Variants in CSMD1 observed in about 807,000 individuals in gnomAD.
CSMD1 encodes the protein CUB and sushi domain-containing protein 1.
In CSMD1, 213 loss-of-function variants were observed where a neutral mutation model predicts 417.5. That is an observed-to-expected ratio of 0.51 (90% CI 0.46 to 0.57). The LOEUF (loss-of-function observed/expected upper bound fraction) is 0.57. CSMD1 is among the 20% of genes least tolerant of loss of function. The pLI, the probability that CSMD1 is intolerant of heterozygous loss-of-function variation, is 0.00. For missense variants in CSMD1, 6,923 were observed against 4,529.7 expected, an observed-to-expected ratio of 1.53 and a Z score of -15.17; for synonymous variants, 2,862 against 1,736.8, an observed-to-expected ratio of 1.65 and a Z score of -16.11.
intron 1 of CSMD1, among the ~76,000 whole-genome samples, chr8:4,749,911 T>C (rs973148287): frequency 2.6e-5 from 4 of 152,098 alleles, no homozygotes; most frequent in African/African-American, 9.7e-5. Context: ...TGTCTCTAGA[T>C]TGTCAAGCGC....
intron 6 of CSMD1, among the ~76,000 whole-genome samples, chr8:3,728,546 T>G (rs1802630154): frequency 6.6e-6 from 1 of 152,180 alleles, no homozygotes; most frequent in Non-Finnish European, 1.5e-5. Flanking sequence ...AACGTAGGTT[T>G]GCCTATGTTC....
At chr8:4,941,680 C>T (rs1040905642) in intron 1 of CSMD1, among the ~76,000 whole-genome samples, 1 of 151,960 alleles carries the variant, frequency 6.6e-6, no homozygotes, top group Non-Finnish European at 1.5e-5. Flanking sequence ...CTCTCTGCAG[C>T]CTCGATCCCT....
At chr8:3,343,942 C>CTGTA (rs368448231) in intron 22 of CSMD1, among the ~76,000 whole-genome samples, 244 of 152,300 alleles carry the variant, frequency 1.6e-3, no homozygotes, top group African/African-American at 5.3e-3. Flanking sequence ...TTGTCACATT[C>CTGTA]TGTAGTCTGC....
chr8:4,722,437 G>C (rs368219066), intron 1 of CSMD1, among the ~76,000 whole-genome samples: 2 of 152,226 alleles, frequency 1.3e-5, no homozygotes, highest in African/African-American at 4.8e-5. Context: ...TGCCTTCTAA[G>C]TGAAGTGAAA....
chr8:4,062,059 C>T (rs533505791), intron 3 of CSMD1, among the ~76,000 whole-genome samples: 14 of 152,050 alleles, frequency 9.2e-5, no homozygotes, highest in Admixed American at 2.6e-4. Flanking sequence ...TGCCAGCTGC[C>T]GTGGTGGAGC....
chr8:2,942,381 C>A, intron 69 of CSMD1, 91 bp downstream of exon 69: 10 of 1,024,852 alleles, frequency 9.8e-6, no homozygotes, highest in Admixed American at 2.6e-5. Flanking sequence ...ATATAAAATA[C>A]ATGTGCATGT....
intron 5 of CSMD1, among the ~76,000 whole-genome samples, chr8:3,920,492 C>G (rs1050983302): frequency 5.3e-5 from 8 of 151,972 alleles, no homozygotes; most frequent in African/African-American, 1.9e-4. Flanking sequence ...CCTAATTGAT[C>G]TGGCTAGGAC....
In CSMD1 at chr8:3,348,050, C is replaced by A. The variant is rs1209297167; in HGVS notation, c.3416G>T (p.Gly1139Val). 1 of 1,610,964 alleles carries A rather than the reference C, an allele frequency of 6.2e-7. No individual in the cohort carries two copies. Among genetic ancestry groups the A allele is most frequent in the Non-Finnish European group, 8.5e-7 (1 of 1,178,472 alleles). Reference sequence around the variant, plus strand: ...TCGTGTTCTAAGGTGGATGCCCTTGCCGGCTTCTGTTTCTATTTTATAGAT... The same window carrying A: ...TCGTGTTCTAAGGTGGATGCCCTTGACGGCTTCTGTTTCTATTTTATAGAT... ...ECIYKIETEA[G>V]KGIHLRTRSF... is the part of the protein sequence containing the mutation. The change falls in exon 22 of 70, where the codon GGC becomes GTC. Residue 1139 changes from glycine (G) to valine (V), a missense_variant. Coordinates refer to ENST00000635120, the MANE Select transcript of CSMD1 (RefSeq NM_033225.6).
intron 1 of CSMD1, among the ~76,000 whole-genome samples, chr8:4,918,927 G>A (rs1046469535): frequency 6.6e-6 from 1 of 152,090 alleles, no homozygotes; most frequent in African/African-American, 2.4e-5. Flanking sequence ...AAAATTCTGG[G>A]GGGTGTATGT....
At chr8:4,441,233 G>C (rs1019039769) in intron 2 of CSMD1, among the ~76,000 whole-genome samples, 2 of 142,260 alleles carry the variant, frequency 1.4e-5, no homozygotes, top group African/African-American at 2.6e-5. Context: ...TGAGTAGCTG[G>C]AACTACAGGC....
rs74772483 is a variant in CSMD1, at chr8:3,638,118, C to A, written c.1010-21321G>T. The stretch of plus-strand genomic sequence containing the variant: ...CAAGGAGCTCAGATTTAAACCCAAG[C>A]AGGTTGAGTCTTAAACGTAAGATCT... On this transcript the variant is annotated intron_variant, in intron 7 of 69. Transcript: ENST00000635120. Among the ~76,000 whole-genome samples the A allele has an allele frequency of 2.9e-4, 44 of 152,226 alleles. 1 individual carries two copies. Among genetic ancestry groups the A allele is most frequent in the African/African-American group, 1.0e-3 (43 of 41,542 alleles).
chr8:4,610,529 G>A (rs1025601419), intron 2 of CSMD1, among the ~76,000 whole-genome samples: 1 of 152,072 alleles, frequency 6.6e-6, no homozygotes, highest in Non-Finnish European at 1.5e-5. Flanking sequence ...CCTTTATAAA[G>A]AATACCCCAG....
At chr8:3,709,299 C>A (rs999500202) in intron 6 of CSMD1, among the ~76,000 whole-genome samples, 4 of 152,098 alleles carry the variant, frequency 2.6e-5, no homozygotes, top group African/African-American at 9.7e-5. Context: ...CCATATGAGA[C>A]TGGACCTACA....
chr8:4,658,766 A>G (rs80202519), intron 1 of CSMD1, among the ~76,000 whole-genome samples: 11,202 of 152,160 alleles, frequency 0.074, 631 homozygotes, highest in East Asian at 0.22. Context: ...ATATGATTTA[A>G]AAGACAAATA....
At chr8:4,118,123 G>A (rs1026075100) in intron 3 of CSMD1, among the ~76,000 whole-genome samples, 2 of 152,084 alleles carry the variant, frequency 1.3e-5, no homozygotes, top group Non-Finnish European at 2.9e-5. Context: ...GTACAGAATA[G>A]TGAGGAAACG....
chr8:3,945,169 T>G (rs998211504), intron 5 of CSMD1, among the ~76,000 whole-genome samples: 4 of 82,414 alleles, frequency 4.9e-5, no homozygotes, highest in African/African-American at 1.3e-4. Flanking sequence ...AATTTGACCA[T>G]GAGAAAGACA....
chr8:3,347,980 G>T lies in CSMD1; in HGVS notation c.3474+12C>A. 3 of 1,548,262 alleles carry T rather than the reference G, an allele frequency of 1.9e-6. No homozygotes were observed. The highest frequency in any genetic ancestry group is 2.6e-6 in the Non-Finnish European group (3 of 1,150,646). Reference sequence around the variant, plus strand: ...AACTTGGAGTCATCATGTTGGAGAAGATTCTTTTTACCTTTAGAGTATCTC... The same window carrying T: ...AACTTGGAGTCATCATGTTGGAGAATATTCTTTTTACCTTTAGAGTATCTC... On this transcript the variant is annotated intron_variant, in intron 22 of 69. Coordinates refer to ENST00000635120, the MANE Select transcript of CSMD1 (RefSeq NM_033225.6).
At chr8:4,722,568 T>C (rs943405640) in intron 1 of CSMD1, among the ~76,000 whole-genome samples, 3 of 152,116 alleles carry the variant, frequency 2.0e-5, no homozygotes, top group Admixed American at 1.3e-4. Flanking sequence ...CATCAGATAG[T>C]TAGGAATGTC....
intron 1 of CSMD1, among the ~76,000 whole-genome samples, chr8:4,749,966 C>A (rs778129115): frequency 6.6e-6 from 1 of 151,804 alleles, no homozygotes; most frequent in Non-Finnish European, 1.5e-5. Context: ...CCCTCAAGTG[C>A]CTGTTTAATA....
Sources: allele counts gnomAD v4.1 joint callset (sites outside exome capture counted in the v4.1 genomes callset), GRCh38; gene constraint gnomAD v4.1.1; transcripts MANE v1.5; gene names NCBI Gene and HGNC (gene_info 2026-07-23, HGNC 2026-07-21).